Variants in CDH18 observed in about 807,000 individuals in gnomAD.
CDH18 encodes cadherin-18.
CDH18 carries 31 observed loss-of-function variants against 67.9 expected under a neutral mutation model. That is an observed-to-expected ratio of 0.46 (90% CI 0.34 to 0.62). The LOEUF (loss-of-function observed/expected upper bound fraction) is 0.62. CDH18 is among the 20% of genes least tolerant of loss of function. The pLI is 0.01. For missense variants in CDH18, 890 were observed against 975.5 expected (o/e 0.91, Z 1.17); for synonymous variants, 362 against 347.2 (o/e 1.04, Z -0.48).
intron 1 of CDH18, among the ~76,000 whole-genome samples, chr5:20,266,044 C>T (rs1057181647): frequency 3.3e-5 from 5 of 152,130 alleles, no homozygotes; most frequent in Admixed American, 2.0e-4. Flanking sequence ...GAGGCACTCT[C>T]GGTTTTAGGG....
intron 2 of CDH18, among the ~76,000 whole-genome samples, chr5:19,972,816 A>G (rs1359277442): frequency 6.6e-6 from 1 of 152,014 alleles, no homozygotes; most frequent in Non-Finnish European, 1.5e-5. Context: ...CAAAAGTCAA[A>G]TACAAGACTG....
intron 1 of CDH18, among the ~76,000 whole-genome samples, chr5:19,982,452 G>T (rs1409495151): frequency 1.3e-5 from 2 of 151,904 alleles, no homozygotes; most frequent in Non-Finnish European, 2.9e-5. Context: ...ATAAAATTTA[G>T]TATCAAGCTT....
At chr5:20,040,988 C>T (rs1361118033) in intron 2 of CDH18, among the ~76,000 whole-genome samples, 1 of 152,124 alleles carries the variant, frequency 6.6e-6, no homozygotes, top group Non-Finnish European at 1.5e-5. Flanking sequence ...ATATACTGAT[C>T]ATCTCATTTA....
intron 2 of CDH18, among the ~76,000 whole-genome samples, chr5:19,850,235 A>C (rs1301199932): frequency 6.6e-6 from 1 of 151,946 alleles, no homozygotes; most frequent in African/African-American, 2.4e-5. Context: ...CCATTTCAGC[A>C]TTCGACTCAT....
At chr5:20,212,477 T>C in intron 2 of CDH18, among the ~76,000 whole-genome samples, 1 of 151,928 alleles carries the variant, frequency 6.6e-6, no homozygotes, top group Non-Finnish European at 1.5e-5. Flanking sequence ...CACATAATTG[T>C]CAGATTCACC....
intron 1 of CDH18, among the ~76,000 whole-genome samples, chr5:20,574,699 TC>T (rs1401174250): frequency 6.6e-6 from 1 of 152,070 alleles, no homozygotes; most frequent in Non-Finnish European, 1.5e-5. Context: ...ACTCTATTCT[TC>T]CCAGCAGAGG....
intron 1 of CDH18, among the ~76,000 whole-genome samples, chr5:20,379,586 G>A (rs986837962): frequency 6.6e-6 from 1 of 151,974 alleles, no homozygotes; most frequent in Admixed American, 6.6e-5. Context: ...GATATATTCA[G>A]TTAATATGTG....
chr5:20,013,284 A>G (rs1737613271), intron 2 of CDH18, among the ~76,000 whole-genome samples: 1 of 152,056 alleles, frequency 6.6e-6, no homozygotes. Flanking sequence ...TTGTTTTTTA[A>G]GAGTTTGAAC....
intron 2 of CDH18, among the ~76,000 whole-genome samples, chr5:20,188,766 A>G (rs928774319): frequency 3.3e-5 from 5 of 150,884 alleles, no homozygotes; most frequent in African/African-American, 1.2e-4. Flanking sequence ...AACCATCTGT[A>G]ATCTAGGCTT....
intron 2 of CDH18, among the ~76,000 whole-genome samples, chr5:19,887,922 G>A (rs1413566638): frequency 6.6e-6 from 1 of 151,748 alleles, no homozygotes; most frequent in Non-Finnish European, 1.5e-5. Context: ...CAATTTTTTT[G>A]AATTGAATAT....
chr5:20,204,480 A>G lies in CDH18; in HGVS notation c.-518+50964T>C, dbSNP rs181005395. On this transcript the variant is annotated intron_variant, in intron 2 of 14. Transcript: ENST00000507958. ...ATTAATGAACCACAGGACCTATTTT[A>G]CAAGAAATGTGAAAGGCAATTCTTG... is the stretch of plus-strand genomic sequence containing the variant. Among the ~76,000 whole-genome samples, 6 of 152,234 alleles carry G rather than the reference A, an allele frequency of 3.9e-5. No homozygotes were observed. In the East Asian group the frequency reaches 1.2e-3, roughly 29 times the overall value.
chr5:20,072,173 C>A (rs1017626917), intron 2 of CDH18, among the ~76,000 whole-genome samples: 1 of 151,988 alleles, frequency 6.6e-6, no homozygotes, highest in Non-Finnish European at 1.5e-5. Context: ...CAAAAAGATT[C>A]TCAAGGAAAA....
At chr5:20,086,335 A>T (rs1161950107) in intron 2 of CDH18, among the ~76,000 whole-genome samples, 1 of 152,232 alleles carries the variant, frequency 6.6e-6, no homozygotes, top group Non-Finnish European at 1.5e-5. Flanking sequence ...ATAACATAAA[A>T]TTATGAGCAA....
chr5:19,974,080 AT>A (rs1798276566), intron 2 of CDH18, among the ~76,000 whole-genome samples: 4 of 152,226 alleles, frequency 2.6e-5, no homozygotes, highest in South Asian at 4.1e-4. Flanking sequence ...TAGTGAACAT[AT>A]TTTTAAAATA....
intron 2 of CDH18, among the ~76,000 whole-genome samples, chr5:19,952,274 C>T (rs1433438980): frequency 2.6e-5 from 4 of 152,198 alleles, no homozygotes; most frequent in Non-Finnish European, 5.9e-5. Flanking sequence ...TGGTCTCAAT[C>T]TCCTGACCTT....
chr5:19,803,291 G>A (rs1165184073), intron 3 of CDH18, among the ~76,000 whole-genome samples: 3 of 152,198 alleles, frequency 2.0e-5, no homozygotes, highest in African/African-American at 7.2e-5. Flanking sequence ...ATGAGTTTAT[G>A]TGACCTTTAC....
intron 2 of CDH18, among the ~76,000 whole-genome samples, chr5:20,130,229 T>C (rs1749156819): frequency 1.3e-5 from 2 of 151,718 alleles, no homozygotes; most frequent in Admixed American, 6.6e-5. Context: ...AAAAGGTGCA[T>C]GTATATACAG....
chr5:20,204,711 A>C (rs1293264595), intron 2 of CDH18, among the ~76,000 whole-genome samples: 2 of 152,024 alleles, frequency 1.3e-5, no homozygotes, highest in African/African-American at 4.8e-5. Flanking sequence ...AGAGGTAGGC[A>C]ATATGCAAAT....
chr5:19,755,431 G>GTATATATATATATATATA (rs1256145011), intron 3 of CDH18, among the ~76,000 whole-genome samples: 2 of 77,340 alleles, frequency 2.6e-5, no homozygotes, highest in Admixed American at 2.0e-4. Flanking sequence ...AACAGGGTAT[G>GTATATATATATATATATA]TATATATATA....
Sources: gnomAD v4.1 joint callset for allele counts (sites outside exome capture counted in the v4.1 genomes callset) on GRCh38, gnomAD v4.1.1 for gene constraint, MANE v1.5 for transcripts, NCBI Gene and HGNC (gene_info 2026-07-23, HGNC 2026-07-21) for gene names.